Variants in SH2B1 observed in about 807,000 individuals in gnomAD.
The protein encoded by SH2B1 is SH2B adapter protein 1.
SH2B1 carries 15 observed loss-of-function variants against 62.6 expected under a neutral mutation model. The ratio of observed to expected loss-of-function variants is 0.24; its 90% CI spans 0.16 to 0.37. The LOEUF is 0.37. Among genes scored for constraint, SH2B1 ranks in the 10% least tolerant of loss-of-function variants. The pLI is 1.00. For missense variants in SH2B1, 925 were observed against 1,015.6 expected, an observed-to-expected ratio of 0.91 and a Z score of 1.21; for synonymous variants, 443 against 438.0, an observed-to-expected ratio of 1.01 and a Z score of -0.14.
intron 1 of SH2B1, among the ~76,000 whole-genome samples, chr16:28,852,489 CAT>C (rs1411232216): frequency 0.16 from 3,877 of 24,710 alleles, 1,448 homozygotes; most frequent in Middle Eastern, 0.25. Context: ...TTTATATATA[CAT>C]ACATATATTT....
rs554516711 is a variant in SH2B1, at chr16:28,872,911, C to A, written c.1897+206C>A. On this transcript the variant is annotated intron_variant, in intron 7 of 7. Transcript: ENST00000684370. The surrounding 1 kb of genome is among the most constrained non-coding windows in gnomAD (Gnocchi z 5.3). ...CACAGGAAGGCAGAAGGCTCCTGGC[C>A]GGAGCCGGGGCGGCAGCTGAGAGGT... 2.7e-6 allele frequency: 2 copies of A among 734,990 alleles called. No individual in the cohort carries two copies. Among genetic ancestry groups the A allele is most frequent in the Non-Finnish European group, 4.5e-6 (2 of 447,766 alleles). 45.5% of individuals were successfully genotyped at this position (734,990 alleles called of 1,614,324 possible). A position where few individuals can be genotyped will look rare whatever the true frequency, so the allele number is the denominator to read the frequency against.
In SH2B1 at chr16:28,864,890, C is replaced by G. The variant is rs1037514501; in HGVS notation, c.-1205C>G. 5.8e-5 allele frequency: 13 copies of G among 222,290 alleles called. No individual in the cohort carries two copies. The highest frequency in any genetic ancestry group is 3.0e-4 in the African/African-American group (13 of 42,690). The allele number at this position is 222,290 out of a possible 1,614,324, so 13.8% of individuals were successfully genotyped here. On this transcript the variant is annotated 5_prime_UTR_variant, in exon 1 of 8. It introduces an in-frame stop codon into an upstream open reading frame of the 5' UTR. Coordinates refer to ENST00000684370, the MANE Select transcript of SH2B1 (RefSeq NM_001387430.1). ...TTACTTTGCGTTCAGCGCTGACATA[C>G]CCCATTCCATGTAATTCTCTCAACA...
At chr16:28,858,943 CAAA>C (rs141782037), upstream of SH2B1, among the ~76,000 whole-genome samples, 5 of 104,492 alleles carry the variant, frequency 4.8e-5, no homozygotes, top group African/African-American at 7.0e-5. Context: ...GACTGTTTCT[CAAA>C]AAAAAAAAAA....
At chr16:28,853,189 G>A (rs750378339) in intron 1 of SH2B1, among the ~76,000 whole-genome samples, 3 of 126,760 alleles carry the variant, frequency 2.4e-5, no homozygotes, top group South Asian at 2.4e-4. Flanking sequence ...TTTTGGGTAC[G>A]GAGTCTTGCT....
chr16:28,849,110 G>T (rs1962045186), intron 1 of SH2B1, among the ~76,000 whole-genome samples: 1 of 152,156 alleles, frequency 6.6e-6, no homozygotes, highest in African/African-American at 2.4e-5. Flanking sequence ...AACAGATTTT[G>T]TTTTTGTTTT....
chr16:28,860,624 C>T (rs1188841910), upstream of SH2B1, among the ~76,000 whole-genome samples: 1 of 152,166 alleles, frequency 6.6e-6, no homozygotes, highest in Non-Finnish European at 1.5e-5. Context: ...CCAAGTCACG[C>T]AGCAGTCTCT....
In SH2B1 at chr16:28,872,135, G is replaced by T; in HGVS notation, c.1514-55G>T. 1 of 1,553,756 alleles carries T rather than the reference G, an allele frequency of 6.4e-7. No individual in the cohort carries two copies. Among genetic ancestry groups the T allele is most frequent in the Non-Finnish European group, 8.8e-7 (1 of 1,133,182 alleles). ...GGGAAGGCAAGGCTTTTTTCTCCCA[G>T]GATGGGGGAGGCTGCCCTGACACCC... is the stretch of plus-strand genomic sequence containing the variant. On this transcript the variant is annotated intron_variant, in intron 5 of 7. Coordinates refer to ENST00000684370, the MANE Select transcript of SH2B1 (RefSeq NM_001387430.1). This position sits in a 1 kb window ranked among gnomAD's most constrained non-coding sequence, Gnocchi z 5.3.
At chr16:28,863,758 A>G (rs1433689681), upstream of SH2B1, 1 of 1,535,182 alleles carries the variant, frequency 6.5e-7, no homozygotes, top group East Asian at 2.4e-5. Flanking sequence ...GGCGGAAGTA[A>G]GTATGAAGGT....
Position 28,867,448 on chromosome 16 carries a change from C to G in SH2B1, c.1041+16C>G, listed in dbSNP as rs1962778956. 6.3e-7 allele frequency: 1 copy of G among 1,588,168 alleles called. No individual in the cohort carries two copies. The highest frequency in any genetic ancestry group is 8.6e-7 in the Non-Finnish European group (1 of 1,156,406). ...TGTGGTTAAGGTAGGAATTCAACTT[C>G]CCAGCCGCCGGCAGTGCTTGTGTTA... On this transcript the variant is annotated intron_variant, in intron 2 of 7. Transcript: ENST00000684370.
rs1294413880 is a variant in SH2B1 at position 28,865,390 on chromosome 16, C to G, written c.-705C>G. The G allele has an allele frequency of 1.0e-6, 1 of 985,554 alleles. No individual in the cohort carries two copies. Among genetic ancestry groups the G allele is most frequent in the Admixed American group, 6.1e-5 (1 of 16,266 alleles). 61.1% of individuals were successfully genotyped at this position (985,554 alleles called of 1,614,324 possible). A position where few individuals can be genotyped will look rare whatever the true frequency, so the allele number is the denominator to read the frequency against. ...ATCCTCATTAATGAATCGGCCCCCT[C>G]CAAAGAGTTGGACCCTAAGATGCGT... is the stretch of plus-strand genomic sequence containing the variant. On this transcript the variant is annotated 5_prime_UTR_variant, in exon 1 of 8. Coordinates refer to ENST00000684370, the MANE Select transcript of SH2B1 (RefSeq NM_001387430.1).
chr16:28,863,634 G>A (rs1962525747), upstream of SH2B1: 17 of 1,512,078 alleles, frequency 1.1e-5, no homozygotes, highest in Non-Finnish European at 1.5e-5. Context: ...TGGGATCCAA[G>A]CACTTCCCCC....
In SH2B1 at chr16:28,873,210, A is replaced by G. The variant is rs1352630885; in HGVS notation, c.1898-237A>G. On this transcript the variant is annotated intron_variant, in intron 7 of 7. Coordinates refer to ENST00000684370, the MANE Select transcript of SH2B1 (RefSeq NM_001387430.1). The surrounding 1 kb of genome is among the most constrained non-coding windows in gnomAD (Gnocchi z 4.2). Reference sequence around the variant, plus strand: ...GGAGCCATGCGGGGGTGTGCGAGGGAGATGGATGCCACCCCGATGCCTCCT... The same window carrying G: ...GGAGCCATGCGGGGGTGTGCGAGGGGGATGGATGCCACCCCGATGCCTCCT... 6.2e-7 allele frequency: 1 copy of G among 1,601,612 alleles called. No homozygotes were observed. Among genetic ancestry groups the G allele is most frequent in the South Asian group, 1.1e-5 (1 of 89,372 alleles).
At chr16:28,852,922 A>ATTT (rs1567459399) in intron 1 of SH2B1, among the ~76,000 whole-genome samples, 1 of 52,088 alleles carries the variant, frequency 1.9e-5, no homozygotes, top group Admixed American at 3.1e-4. Context: ...GTACATATAT[A>ATTT]TATTTTTATA....
At chr16:28,870,994 C>CGTGTGTGTGT (rs35079060) in intron 4 of SH2B1, among the ~76,000 whole-genome samples, 18 of 141,424 alleles carry the variant, frequency 1.3e-4, no homozygotes, top group Non-Finnish European at 1.9e-4. Context: ...GCCAGAATTC[C>CGTGTGTGTGT]GTGTGTGTGT....
chr16:28,858,168 G>C (rs1240572749), intron 1 of SH2B1, among the ~76,000 whole-genome samples: 5 of 152,150 alleles, frequency 3.3e-5, no homozygotes, highest in Admixed American at 3.3e-4. Context: ...TGGTGACCAG[G>C]CCCTATCCTG....
chr16:28,863,557 C>A (rs941422432), upstream of SH2B1: 2 of 963,950 alleles, frequency 2.1e-6, no homozygotes, highest in Non-Finnish European at 1.5e-6. Flanking sequence ...ACTCTATCCC[C>A]TAAGGCCGGT....
chr16:28,852,753 T>TATATTTAC lies in SH2B1; in HGVS notation c.-301+5930_-301+5931insTTACATAT, dbSNP rs1318336754. 4.6e-3 allele frequency among the ~76,000 whole-genome samples: 224 copies of TATATTTAC among 49,114 alleles called. 39 individuals are homozygous for TATATTTAC. The highest frequency in any genetic ancestry group is 0.017 in the African/African-American group (221 of 13,362). 32.2% of individuals were successfully genotyped at this position (49,114 alleles called of 152,430 possible). ...ATATATACATATATATATTTACATA[T>TATATTTAC]ATATGTATATATATATTTATATATA... is the stretch of plus-strand genomic sequence containing the variant. On this transcript the variant is annotated intron_variant, in intron 1 of 10. Coordinates refer to the SH2B1 transcript ENST00000322610.
Position 28,852,207 on chromosome 16 carries a change from CATATATATATTT to C in SH2B1, c.-301+5382_-301+5393del, listed in dbSNP as rs1962116772. 1.1e-4 allele frequency among the ~76,000 whole-genome samples: 9 copies of C among 83,680 alleles called. 1 individual carries two copies. The East Asian group carries it at 3.2e-3, about 29-fold the overall frequency. The allele number at this position is 83,680 out of a possible 152,430, so 54.9% of individuals were successfully genotyped here. ...ATATATATTTTTATTTATATATTTACATATATATATTTACATATATATTTACATATATATATT... is the reference window on the plus strand; with the variant it reads ...ATATATATTTTTATTTATATATTTACACATATATATTTACATATATATATT... On this transcript the variant is annotated intron_variant, in intron 1 of 10. Transcript: ENST00000322610.
In SH2B1 at chr16:28,866,447, C is replaced by G. The variant is rs374431932; in HGVS notation, c.353C>G (p.Ala118Gly). The change falls in exon 1 of 8, where the codon GCT becomes GGT. Residue 118 changes from alanine (A) to glycine (G), a missense_variant. Physicochemically the swap from Ala to Gly is moderately conservative, Grantham distance 60. Transcript: ENST00000684370. This position sits in a 1 kb window ranked among gnomAD's most constrained non-coding sequence, Gnocchi z 6.3. ...AGCTGCAGGGTGGGTGGGCCCCTGG[C>G]TGTGCTGGGCCCTTCTCGATCATCT... ...LESCRVGGPL[A>G]VLGPSRSSED... The G allele has an allele frequency of 6.2e-7, 1 of 1,613,916 alleles. No homozygotes were observed. Among genetic ancestry groups the G allele is most frequent in the South Asian group, 1.1e-5 (1 of 91,082 alleles).
Sources: allele counts gnomAD v4.1 joint callset (sites outside exome capture counted in the v4.1 genomes callset), GRCh38; gene constraint gnomAD v4.1.1; non-coding constraint Gnocchi (gnomAD v3.1); transcripts MANE v1.5; gene names NCBI Gene and HGNC (gene_info 2026-07-23, HGNC 2026-07-21).